The following ZNF540 variants were observed in gnomAD, a reference collection of about 807,000 sequenced individuals.
The protein encoded by ZNF540 is CTD-3064H18.6.
A neutral mutation model predicts 11.8 loss-of-function variants in ZNF540; 3 were observed. That is an observed-to-expected ratio of 0.25 (90% CI 0.12 to 0.65). The LOEUF is 0.65. ZNF540 is among the 30% of genes least tolerant of loss of function. The pLI is 0.83. For missense variants in ZNF540, 709 were observed against 793.1 expected (o/e 0.89, Z 1.27); for synonymous variants, 247 against 259.0 (o/e 0.95, Z 0.45).
intron 1 of ZNF540, chr19:37,555,612 C>CT (rs1159902502): frequency 2.6e-6 from 1 of 388,796 alleles, no homozygotes; most frequent in African/African-American, 2.1e-5. Flanking sequence ...TCTTTTATGA[C>CT]TAAGAATGGT....
intron 1 of ZNF540, among the ~76,000 whole-genome samples, chr19:37,596,930 G>A (rs758981177): frequency 2.0e-5 from 3 of 152,110 alleles, no homozygotes; most frequent in African/African-American, 7.2e-5. Context: ...CATTATTCAC[G>A]CTTGGGTTTT....
intron 1 of ZNF540, chr19:37,564,321 C>A (rs1011231455): frequency 2.5e-5 from 7 of 275,290 alleles, no homozygotes; most frequent in Non-Finnish European, 4.7e-5. Context: ...CAGTATTTTA[C>A]AAATAGAAAA....
At chr19:37,554,046 T>C (rs748744676) in intron 1 of ZNF540, among the ~76,000 whole-genome samples, 7 of 152,222 alleles carry the variant, frequency 4.6e-5, no homozygotes, top group African/African-American at 1.4e-4. Context: ...GTTTGTTACA[T>C]TGGCAAACTG....
chr19:37,608,196 C>G (rs532720987), intron 4 of ZNF540, among the ~76,000 whole-genome samples: 1 of 152,206 alleles, frequency 6.6e-6, no homozygotes, highest in East Asian at 1.9e-4. Flanking sequence ...TATGCTTACC[C>G]CCAGAGTTCT....
chr19:37,566,469 G>GCTTATAGGAAA, intron 1 of ZNF540: 1 of 674,444 alleles, frequency 1.5e-6, no homozygotes, highest in South Asian at 2.7e-5. Context: ...AAAAAGGAGA[G>GCTTATAGGAAA]CTTATAGGAA....
chr19:37,559,202 C>A (rs78374217), intron 1 of ZNF540, among the ~76,000 whole-genome samples: 3,966 of 152,242 alleles, frequency 0.026, 182 homozygotes, highest in African/African-American at 0.089. Flanking sequence ...ATGGCTCCAA[C>A]AGAAGCTCAT....
At chr19:37,576,181 A>C (rs1013085644) in intron 1 of ZNF540, among the ~76,000 whole-genome samples, 12 of 152,194 alleles carry the variant, frequency 7.9e-5, no homozygotes, top group African/African-American at 2.9e-4. Context: ...AATTTACTAA[A>C]AAATCCACCA....
At chr19:37,551,643 G>C (rs141242644) in exon 1 of ZNF540, 1 of 152,374 alleles carries the variant, frequency 6.6e-6, no homozygotes, top group African/African-American at 2.4e-5. Flanking sequence ...CTCCTTGAAC[G>C]TTGTCCCGCC....
At chr19:37,580,439 A>G (rs528339955) in intron 1 of ZNF540, among the ~76,000 whole-genome samples, 4 of 152,248 alleles carry the variant, frequency 2.6e-5, no homozygotes, top group Admixed American at 6.5e-5. Flanking sequence ...TTTCCACAAC[A>G]TTTTCTTGAT....
In ZNF540 at chr19:37,584,206, G is replaced by GA. The variant is rs535055537; in HGVS notation, c.-72-14167dup. On this transcript the variant is annotated intron_variant, in intron 1 of 4. Coordinates refer to the ZNF540 transcript ENST00000592533. ...GGAAGCAAGTAACACAAAACAACAG[G>GA]AAATTGGTTGCCTAAACAGTAGTAT... 1,385 of 1,525,578 alleles carry GA rather than the reference G, an allele frequency of 9.1e-4. 6 individuals carry two copies. In the African/African-American group the frequency reaches 0.017, roughly 18 times the overall value. 94.5% of individuals were successfully genotyped at this position (1,525,578 alleles called of 1,614,324 possible). A position where few individuals can be genotyped will look rare whatever the true frequency, so the allele number is the denominator to read the frequency against.
chr19:37,576,528 T>G (rs949576368), intron 1 of ZNF540, among the ~76,000 whole-genome samples: 7 of 152,174 alleles, frequency 4.6e-5, no homozygotes, highest in African/African-American at 7.2e-5. Context: ...ATTGACTAAG[T>G]TATACTAATT....
chr19:37,569,535 G>C lies in ZNF540; in HGVS notation c.-73+17870G>C, dbSNP rs1478585305. ...ACAAGGATGTCATAAAATTATCTTT[G>C]CTATATGTATTATATATTCATATTT... On this transcript the variant is annotated intron_variant, in intron 1 of 4. Transcript: ENST00000592533. The surrounding 1 kb of genome is among the most constrained non-coding windows in gnomAD (Gnocchi z 4.4). Among the ~76,000 whole-genome samples the C allele has an allele frequency of 1.3e-5, 2 of 152,080 alleles. No individual in the cohort carries two copies. Among genetic ancestry groups the C allele is most frequent in the Non-Finnish European group, 2.9e-5 (2 of 68,030 alleles).
intron 4 of ZNF540, among the ~76,000 whole-genome samples, chr19:37,609,281 C>T (rs113254378): frequency 1.4e-4 from 22 of 152,186 alleles, no homozygotes; most frequent in African/African-American, 3.9e-4. Context: ...CGGTGGCTAA[C>T]GCCTGTAATC....
intron 1 of ZNF540, among the ~76,000 whole-genome samples, chr19:37,596,370 A>G (rs2147223239): frequency 6.6e-6 from 1 of 152,284 alleles, no homozygotes; most frequent in African/African-American, 2.4e-5. Context: ...TGGTGCAGTT[A>G]TAGCTCACTG....
chr19:37,589,711 C>G (rs2043806398), intron 1 of ZNF540, among the ~76,000 whole-genome samples: 1 of 151,256 alleles, frequency 6.6e-6, no homozygotes, highest in South Asian at 2.1e-4. Flanking sequence ...CAAAAAAATG[C>G]AAAAATTAGC....
In ZNF540 at chr19:37,611,777, A is replaced by T; in HGVS notation, c.497A>T (p.Asn166Ile). ...TTTACTCTGAATCAGAGAATTCACA[A>T]TAGTGAGAAAAGCTGTGACTCACAC... ...PSFTLNQRIH[N>I]SEKSCDSHLV... Residue 166 changes from asparagine (N) to isoleucine (I), a missense_variant, in exon 5 of 5, where the codon AAT becomes ATT. By Grantham distance (149) the Asn-to-Ile change is moderately radical. Transcript: ENST00000316433. 1.2e-5 allele frequency: 19 copies of T among 1,614,038 alleles called. No homozygotes were observed. The highest frequency in any genetic ancestry group is 1.6e-5 in the Non-Finnish European group (19 of 1,179,962).
chr19:37,561,048 C>CA (rs199892724), intron 1 of ZNF540, among the ~76,000 whole-genome samples: 874 of 73,710 alleles, frequency 0.012, 32 homozygotes, highest in Non-Finnish European at 0.017. Context: ...CCTGTCTCTA[C>CA]AAAAAAAAAA....
In ZNF540 at chr19:37,612,096, G is replaced by A. The variant is rs755505627; in HGVS notation, c.816G>A (p.Met272Ile). The A allele has an allele frequency of 6.2e-7, 1 of 1,611,770 alleles. No homozygotes were observed. The highest frequency in any genetic ancestry group is 2.2e-5 in the East Asian group (1 of 44,830). Residue 272 changes from methionine (M) to isoleucine (I), a missense_variant, in exon 5 of 5, where the codon ATG becomes ATA. Transcript: ENST00000316433. The part of the protein sequence containing the change: ...QKIHTGKKPY[M>I]CKKCDKGFFS... ...TTCACACTGGTAAAAAACCCTATAT[G>A]TGTAAGAAATGTGATAAGGGTTTTT...
At chr19:37,567,196 T>C (rs942735680) in intron 1 of ZNF540, among the ~76,000 whole-genome samples, 9 of 152,252 alleles carry the variant, frequency 5.9e-5, no homozygotes, top group African/African-American at 2.2e-4. Context: ...ATTTCTAAAG[T>C]TTGACTATTG....
Sources: allele counts gnomAD v4.1 joint callset (sites outside exome capture counted in the v4.1 genomes callset), GRCh38; gene constraint gnomAD v4.1.1; non-coding constraint Gnocchi (gnomAD v3.1); transcripts MANE v1.5; gene names NCBI Gene and HGNC (gene_info 2026-07-23, HGNC 2026-07-21).